MLLT3: variants seen among roughly 807,000 people sequenced by gnomAD.
The protein encoded by MLLT3 is MLLT3 super elongation complex subunit.
A neutral mutation model predicts 53.2 loss-of-function variants in MLLT3; 4 were observed. The ratio of observed to expected loss-of-function variants is 0.08; its 90% CI spans 0.04 to 0.17. The LOEUF (loss-of-function observed/expected upper bound fraction) is 0.17. MLLT3 is among the 10% of genes least tolerant of loss of function. The pLI, the probability that MLLT3 is intolerant of heterozygous loss-of-function variation, is 1.00. For missense variants in MLLT3, 569 were observed against 684.0 expected, an observed-to-expected ratio of 0.83 and a Z score of 1.87; for synonymous variants, 283 against 230.6, an observed-to-expected ratio of 1.23 and a Z score of -2.06.
At chr9:20,462,705 T>C (rs1200369404) in intron 2 of MLLT3, among the ~76,000 whole-genome samples, 2 of 152,162 alleles carry the variant, frequency 1.3e-5, no homozygotes, top group Non-Finnish European at 2.9e-5. Flanking sequence ...TACCATCAAG[T>C]CCCATCCTCA....
At chr9:20,586,238 TGAGCCCA>T (rs1456103696) in intron 2 of MLLT3, among the ~76,000 whole-genome samples, 2 of 151,976 alleles carry the variant, frequency 1.3e-5, no homozygotes, top group African/African-American at 4.8e-5. Context: ...GAGAACTGTT[TGAGCCCA>T]GATGGTCAAG....
At chr9:20,409,263 A>G (rs145483557) in intron 5 of MLLT3, among the ~76,000 whole-genome samples, 75 of 152,246 alleles carry the variant, frequency 4.9e-4, no homozygotes, top group African/African-American at 1.3e-3. Context: ...GGTTATCTCA[A>G]TTTTCATTTA....
At chr9:20,427,764 G>T (rs928553317) in intron 4 of MLLT3, among the ~76,000 whole-genome samples, 2 of 151,922 alleles carry the variant, frequency 1.3e-5, no homozygotes, top group African/African-American at 4.8e-5. Context: ...GCTTGACTGG[G>T]AGCCAGCTGT....
At position 20,448,014 on chromosome 9, in the gene MLLT3, C is replaced by T. The variant is rs117606758; in HGVS notation, c.420+109G>A. Reference sequence around the variant, plus strand: ...TTAAGGTACATCATTTCTTTTACCTCTCCCAAAACCTTATACTTTTTAACA... The same window carrying T: ...TTAAGGTACATCATTTCTTTTACCTTTCCCAAAACCTTATACTTTTTAACA... On this transcript the variant is annotated intron_variant, in intron 4 of 10. Transcript: ENST00000380338. This position sits in a 1 kb window ranked among gnomAD's most constrained non-coding sequence, Gnocchi z 4.0. 9.1e-3 allele frequency: 11,280 copies of T among 1,235,008 alleles called. 78 individuals are homozygous for T. Among genetic ancestry groups the T allele is most frequent in the Middle Eastern group, 0.016 (77 of 4,886 alleles). 76.5% of individuals were successfully genotyped at this position (1,235,008 alleles called of 1,614,324 possible).
At chr9:20,595,244 G>C (rs1820229342) in intron 2 of MLLT3, among the ~76,000 whole-genome samples, 1 of 152,116 alleles carries the variant, frequency 6.6e-6, no homozygotes, top group African/African-American at 2.4e-5. Context: ...GTGTGTGCCT[G>C]TGGATCCAGC....
At chr9:20,578,570 G>C (rs1311724147) in intron 2 of MLLT3, among the ~76,000 whole-genome samples, 2 of 151,994 alleles carry the variant, frequency 1.3e-5, no homozygotes. Context: ...AAGAATGACA[G>C]GTCAAGAACA....
intron 4 of MLLT3, among the ~76,000 whole-genome samples, chr9:20,433,746 T>A (rs530482935): frequency 6.6e-6 from 1 of 152,220 alleles, no homozygotes; most frequent in South Asian, 2.1e-4. Flanking sequence ...CAAGGAACTC[T>A]TTCCAGTTGA....
intron 3 of MLLT3, among the ~76,000 whole-genome samples, chr9:20,454,283 G>A (rs181598800): frequency 2.6e-5 from 4 of 152,182 alleles, no homozygotes; most frequent in Admixed American, 1.3e-4. Flanking sequence ...GTGCGTGCGC[G>A]TATGGTAGGG....
chr9:20,450,584 T>C (rs113780844), intron 3 of MLLT3, among the ~76,000 whole-genome samples: 2,131 of 152,288 alleles, frequency 0.014, 44 homozygotes, highest in African/African-American at 0.048. Context: ...CTTTCACAAG[T>C]AGTGCTCCCC....
intron 2 of MLLT3, among the ~76,000 whole-genome samples, chr9:20,565,988 T>A (rs10964611): frequency 0.057 from 3,917 of 68,934 alleles, 294 homozygotes; most frequent in African/African-American, 0.2. Flanking sequence ...ATATATTTAT[T>A]TATATATTTA....
intron 2 of MLLT3, among the ~76,000 whole-genome samples, chr9:20,482,075 A>G (rs1327906384): frequency 6.6e-6 from 1 of 152,178 alleles, no homozygotes; most frequent in Non-Finnish European, 1.5e-5. Context: ...CAATCTAAGA[A>G]AGCCTGTCAA....
In MLLT3 at chr9:20,621,649, C is replaced by A; in HGVS notation, c.12+596G>T. 1.1e-6 allele frequency: 1 copy of A among 929,112 alleles called. No individual in the cohort carries two copies. The highest frequency in any genetic ancestry group is 1.8e-5 in the South Asian group (1 of 55,762). 57.6% of individuals were successfully genotyped at this position (929,112 alleles called of 1,614,324 possible). A position where few individuals can be genotyped will look rare whatever the true frequency, so the allele number is the denominator to read the frequency against. ...AAATTCAGAAAGGCAGGGCGGCGGGCGGACAGCCGCCGAGCCTCGGCTCGC... is the reference window on the plus strand; with the variant it reads ...AAATTCAGAAAGGCAGGGCGGCGGGAGGACAGCCGCCGAGCCTCGGCTCGC... On this transcript the variant is annotated intron_variant, in intron 1 of 10. Coordinates refer to ENST00000380338, the MANE Select transcript of MLLT3 (RefSeq NM_004529.4). The surrounding 1 kb of genome is among the most constrained non-coding windows in gnomAD (Gnocchi z 7.0).
chr9:20,402,520 GAGAACAGCA>G (rs66506348), intron 5 of MLLT3, among the ~76,000 whole-genome samples: 3,325 of 152,316 alleles, frequency 0.022, 54 homozygotes, highest in Non-Finnish European at 0.031. Context: ...TTCGTCCGCT[GAGAACAGCA>G]GTTTGTCCAA....
At chr9:20,481,134 C>T (rs1286414523) in intron 2 of MLLT3, among the ~76,000 whole-genome samples, 1 of 152,110 alleles carries the variant, frequency 6.6e-6, no homozygotes, top group Non-Finnish European at 1.5e-5. Context: ...TAAGAATGGG[C>T]AAACTATTGC....
At chr9:20,367,140 G>T (rs1275441021) in intron 5 of MLLT3, among the ~76,000 whole-genome samples, 1 of 152,138 alleles carries the variant, frequency 6.6e-6, no homozygotes, top group Non-Finnish European at 1.5e-5. Flanking sequence ...CCTATTAGTG[G>T]CAAGGAAAGA....
At chr9:20,546,266 A>G (rs1818786239) in intron 2 of MLLT3, among the ~76,000 whole-genome samples, 1 of 152,232 alleles carries the variant, frequency 6.6e-6, no homozygotes, top group Non-Finnish European at 1.5e-5. Context: ...TGTAATTTAA[A>G]GTTTTCCCAT....
intron 2 of MLLT3, among the ~76,000 whole-genome samples, chr9:20,569,989 C>G (rs1819488272): frequency 6.6e-6 from 1 of 152,216 alleles, no homozygotes. Context: ...ACATTCCCTC[C>G]ACTCTGACAA....
intron 2 of MLLT3, among the ~76,000 whole-genome samples, chr9:20,509,869 A>T (rs10964586): frequency 0.081 from 7,856 of 96,676 alleles, 304 homozygotes; most frequent in African/African-American, 0.22. Context: ...GGGTACAATT[A>T]TTATTTTTTT....
In MLLT3 at chr9:20,620,546, C is replaced by T. The variant is rs142738760; in HGVS notation, c.193+108G>A. On this transcript the variant is annotated intron_variant, in intron 2 of 10. Transcript: ENST00000380338. This position sits in a 1 kb window ranked among gnomAD's most constrained non-coding sequence, Gnocchi z 6.1. ...CGCGCACCCGGATCCCGAGGCTACG[C>T]CGGCGAGCGCGGCGCGGGGGGCGGG... The T allele has an allele frequency of 2.3e-3, 2,350 of 1,018,696 alleles. 47 individuals are homozygous for T. The African/African-American group carries it at 0.036, about 16-fold the overall frequency. The allele number at this position is 1,018,696 out of a possible 1,614,324, so 63.1% of individuals were successfully genotyped here.
Sources: allele counts gnomAD v4.1 joint callset (sites outside exome capture counted in the v4.1 genomes callset), GRCh38; gene constraint gnomAD v4.1.1; non-coding constraint Gnocchi (gnomAD v3.1); transcripts MANE v1.5; gene names NCBI Gene and HGNC (gene_info 2026-07-23, HGNC 2026-07-21).